The following MYO7B variants were observed in gnomAD, a reference collection of about 807,000 sequenced individuals.
The protein encoded by MYO7B is myosin VIIB.
Under a neutral mutation model 259.7 loss-of-function variants are expected in MYO7B, and 212 were observed. The observed-to-expected ratio is 0.82, with a 90% CI of 0.73 to 0.91. The LOEUF (loss-of-function observed/expected upper bound fraction) is 0.91, where lower values mean the gene tolerates loss of function less well. Among genes scored for constraint, MYO7B ranks in the 40% least tolerant of loss-of-function variants. MYO7B has a pLI of 0.00. For missense variants in MYO7B, 2,732 were observed against 2,813.5 expected (o/e 0.97, Z 0.66); for synonymous variants, 1,197 against 1,166.4 (o/e 1.03, Z -0.54).
intron 12 of MYO7B, among the ~76,000 whole-genome samples, chr2:127,583,218 G>A (rs1038439290): frequency 6.6e-6 from 1 of 152,204 alleles, no homozygotes; most frequent in Non-Finnish European, 1.5e-5. Context: ...GGAGCCAGGG[G>A]GCTAGCCTGA....
chr2:127,631,006 C>A, intron 36 of MYO7B, 98 bp downstream of exon 36: 1 of 1,403,414 alleles, frequency 7.1e-7, no homozygotes, highest in Non-Finnish European at 9.7e-7. Context: ...CACCTCATTG[C>A]ACCCACTGAG....
intron 1 of MYO7B, among the ~76,000 whole-genome samples, chr2:127,555,954 G>C (rs1460318005): frequency 6.6e-6 from 1 of 151,966 alleles, no homozygotes; most frequent in Non-Finnish European, 1.5e-5. Flanking sequence ...TTTTTTTGTT[G>C]ACTTCTGTCT....
chr2:127,582,183 C>G (rs17015424), intron 11 of MYO7B, 121 bp from the exon 12 acceptor site: 610,024 of 1,461,536 alleles, frequency 0.42, 132,123 homozygotes, highest in South Asian at 0.69. Flanking sequence ...GGTTTCTTGC[C>G]TTTGAAGGAG....
At chr2:127,551,870 A>C (rs1693456509) in intron 1 of MYO7B, among the ~76,000 whole-genome samples, 1 of 152,160 alleles carries the variant, frequency 6.6e-6, no homozygotes, top group Non-Finnish European at 1.5e-5. Context: ...TTTTGGCAGA[A>C]ACAGCTGACT....
intron 10 of MYO7B, among the ~76,000 whole-genome samples, chr2:127,581,331 A>AG (rs1426545718): frequency 3.3e-5 from 5 of 152,202 alleles, no homozygotes; most frequent in Non-Finnish European, 7.4e-5. Flanking sequence ...GCCCTGAGTG[A>AG]GGGGCTACCT....
At position 127,584,270 on chromosome 2, in the gene MYO7B, C is replaced by G; in HGVS notation, c.1492C>G (p.Leu498Val). ...CACCGACAATCGGCCCACCCTGGAC[C>G]TGCTGGCCCTCAAGCCCATGAGCAT... ...HYTDNRPTLDLLALKPMSIIS... is the reference protein window; with the variant it reads ...HYTDNRPTLDVLALKPMSIIS... Residue 498 changes from leucine to valine, a missense_variant, in exon 13 of 48, where the codon CTG (leucine) becomes GTG (valine). Leu to Val is a conservative substitution (Grantham distance 32). This residue lies in a region of MYO7B where 1,906 missense variants were observed against 2,026.4 expected (regional missense o/e 0.94). Coordinates refer to ENST00000409816, the MANE Select transcript of MYO7B (RefSeq NM_001393586.1). The surrounding 1 kb of genome is among the most constrained non-coding windows in gnomAD (Gnocchi z 5.8). 3 of 1,614,032 alleles carry G rather than the reference C, an allele frequency of 1.9e-6. No homozygotes were observed. Among genetic ancestry groups the G allele is most frequent in the Non-Finnish European group, 2.5e-6 (3 of 1,179,896 alleles).
chr2:127,634,316 G>A (rs141096368), intron 41 of MYO7B, 27 bp downstream of exon 41: 28 of 1,507,942 alleles, frequency 1.9e-5, no homozygotes, highest in Non-Finnish European at 2.4e-5. Flanking sequence ...CTGGGCAGAC[G>A]GTGGGCGGAC....
intron 2 of MYO7B, among the ~76,000 whole-genome samples, chr2:127,560,097 G>A (rs1678012915): frequency 6.7e-6 from 1 of 150,250 alleles, no homozygotes; most frequent in East Asian, 2.0e-4. Context: ...CACGATCTCA[G>A]CTCACGGTGA....
intron 19 of MYO7B, among the ~76,000 whole-genome samples, chr2:127,604,001 T>C (rs1054055594): frequency 2.6e-5 from 4 of 152,096 alleles, no homozygotes; most frequent in Non-Finnish European, 5.9e-5. Context: ...GGCATGGTAG[T>C]GGAAGCCTGT....
In MYO7B at chr2:127,636,979, A is replaced by T; in HGVS notation, c.6327+66A>T. 6.3e-7 allele frequency: 1 copy of T among 1,592,814 alleles called. No homozygotes were observed. Among genetic ancestry groups the T allele is most frequent in the South Asian group, 1.1e-5 (1 of 90,040 alleles). On this transcript the variant is annotated intron_variant, in intron 47 of 47. Transcript: ENST00000409816. This position sits in a 1 kb window ranked among gnomAD's most constrained non-coding sequence, Gnocchi z 4.5. ...AGAGCTGCTGGAGACTGGGTTCCCC[A>T]CCCTCACCCCTTTCAAGTGGCTCAC...
chr2:127,580,757 G>A lies in MYO7B; in HGVS notation c.1015G>A (p.Glu339Lys), dbSNP rs377190422. 2.6e-5 allele frequency: 42 copies of A among 1,613,064 alleles called. No individual in the cohort carries two copies. The highest frequency in any genetic ancestry group is 3.3e-5 in the Non-Finnish European group (39 of 1,179,628). ...GCTTCTCTCTCTAGCTTCGGTCTTCGAGAACCTGGACGCCTCAGACGTGAT... is the reference window on the plus strand; with the variant it reads ...GCTTCTCTCTCTAGCTTCGGTCTTCAAGAACCTGGACGCCTCAGACGTGAT... Reference protein sequence around the residue: ...GNVGFMASVFENLDASDVMET... With the variant: ...GNVGFMASVFKNLDASDVMET... Residue 339 changes from glutamate to lysine, a missense_variant, in exon 10 of 48, where the codon GAG becomes AAG. By Grantham distance (56) the Glu-to-Lys change is moderately conservative. Around this residue, in one of 3 missense-constraint regions of MYO7B, gnomAD observed 1,906 missense variants for 2,026.4 expected, o/e 0.94. Coordinates refer to ENST00000409816, the MANE Select transcript of MYO7B (RefSeq NM_001393586.1).
intron 2 of MYO7B, among the ~76,000 whole-genome samples, chr2:127,561,987 T>C (rs962184594): frequency 8.7e-5 from 13 of 149,306 alleles, no homozygotes; most frequent in Admixed American, 7.4e-4. Context: ...TGCTTGGGGG[T>C]GAGGAGAGGG....
intron 16 of MYO7B, among the ~76,000 whole-genome samples, chr2:127,591,104 A>G (rs899742499): frequency 4.6e-5 from 7 of 152,200 alleles, no homozygotes; most frequent in African/African-American, 1.7e-4. Context: ...GAGGAGGATC[A>G]CTTGAGCCCA....
chr2:127,593,024 C>A, intron 17 of MYO7B, 78 bp downstream of exon 17: 1 of 1,504,240 alleles, frequency 6.6e-7, no homozygotes, highest in Non-Finnish European at 9.0e-7. Context: ...GCCCCCAGTA[C>A]CGAGGGGGTC....
chr2:127,584,989 A>C lies in MYO7B; in HGVS notation c.1690+76A>C, dbSNP rs1679246607. On this transcript the variant is annotated intron_variant, in intron 14 of 47. Coordinates refer to ENST00000409816, the MANE Select transcript of MYO7B (RefSeq NM_001393586.1). The surrounding 1 kb of genome is among the most constrained non-coding windows in gnomAD (Gnocchi z 5.8). ...GGGAGACCGTGGAAAGCAGGCTCAG[A>C]GGATGAGGCTATTTTGCAGCTCTAG... is the stretch of plus-strand genomic sequence containing the variant. 1.9e-6 allele frequency: 3 copies of C among 1,568,370 alleles called. No individual in the cohort carries two copies. Among genetic ancestry groups the C allele is most frequent in the East Asian group, 2.2e-5 (1 of 44,506 alleles).
chr2:127,575,669 G>A (rs985212884), intron 7 of MYO7B, among the ~76,000 whole-genome samples: 1 of 152,072 alleles, frequency 6.6e-6, no homozygotes, highest in African/African-American at 2.4e-5. Context: ...CGGGGAGGAG[G>A]GGATTTAAGA....
intron 3 of MYO7B, 143 bp from the exon 4 acceptor site, chr2:127,565,090 C>T (rs1242054483): frequency 2.0e-6 from 2 of 1,025,260 alleles, no homozygotes; most frequent in African/African-American, 3.2e-5. Flanking sequence ...CTGACCCTGG[C>T]CGGAGGCTGG....
At position 127,584,858 on chromosome 2, in the gene MYO7B, C is replaced by G; in HGVS notation, c.1635C>G (p.His545Gln). 6.2e-7 allele frequency: 1 copy of G among 1,613,970 alleles called. No homozygotes were observed. The highest frequency in any genetic ancestry group is 8.5e-7 in the Non-Finnish European group (1 of 1,179,892). The change falls in exon 14 of 48, where the codon CAC (histidine) becomes CAG (glutamine). Residue 545 changes from histidine to glutamine, a missense_variant. By Grantham distance (24) the His-to-Gln change is conservative. Around this residue, in one of 3 missense-constraint regions of MYO7B, gnomAD observed 1,906 missense variants for 2,026.4 expected, o/e 0.94. Transcript: ENST00000409816. The surrounding 1 kb of genome is among the most constrained non-coding windows in gnomAD (Gnocchi z 5.8). ...NKAFLQPKNIHDARFGIAHFA... is the reference protein window; with the variant it reads ...NKAFLQPKNIQDARFGIAHFA... ...CCTTCCTACAGCCCAAGAACATCCA[C>G]GATGCCAGATTTGGCATTGCCCATT...
chr2:127,623,821 A>G (rs1187243652), intron 29 of MYO7B, among the ~76,000 whole-genome samples: 2 of 152,068 alleles, frequency 1.3e-5, no homozygotes, highest in Non-Finnish European at 2.9e-5. Flanking sequence ...CAGTCATCCA[A>G]CCGAGGCGCC....
Sources: gnomAD v4.1 joint callset for allele counts (sites outside exome capture counted in the v4.1 genomes callset) on GRCh38, gnomAD v4.1.1 for gene constraint, gnomAD v4.1.1 regional missense constraint, Gnocchi (gnomAD v3.1) non-coding constraint, MANE v1.5 for transcripts, NCBI Gene and HGNC (gene_info 2026-07-23, HGNC 2026-07-21) for gene names.